Variants in COL6A6 observed in about 807,000 individuals in gnomAD.
COL6A6 encodes collagen type VI alpha 6 chain.
COL6A6 carries 183 observed loss-of-function variants against 208.6 expected under a neutral mutation model. The ratio of observed to expected loss-of-function variants is 0.88; its 90% CI spans 0.78 to 0.99. COL6A6 has a LOEUF of 0.99. Among genes scored for constraint, COL6A6 ranks in the 50% least tolerant of loss-of-function variants. The pLI is 0.00. For missense variants in COL6A6, 2,816 were observed against 2,815.2 expected (o/e 1.00, Z -0.01); for synonymous variants, 973 against 1,011.8 (o/e 0.96, Z 0.73).
chr3:130,560,462 A>G, intron 2 of COL6A6, 34 bp downstream of exon 2: 1 of 1,543,094 alleles, frequency 6.5e-7, no homozygotes, highest in South Asian at 1.1e-5. Context: ...CTTAATTTTG[A>G]TTATAGAAAA....
At chr3:130,552,315 G>A (rs934097020) in intron 1 of COL6A6, among the ~76,000 whole-genome samples, 1 of 152,178 alleles carries the variant, frequency 6.6e-6, no homozygotes, top group South Asian at 2.1e-4. Flanking sequence ...GAATCTGGGC[G>A]CTGCTGTTTT....
At chr3:130,638,252 A>G (rs2065212600) in intron 28 of COL6A6, among the ~76,000 whole-genome samples, 1 of 152,082 alleles carries the variant, frequency 6.6e-6, no homozygotes, top group Non-Finnish European at 1.5e-5. Context: ...TCTAAATATC[A>G]TACTTACCTT....
At chr3:130,655,142 T>C (rs1329256524) in intron 33 of COL6A6, among the ~76,000 whole-genome samples, 5 of 152,292 alleles carry the variant, frequency 3.3e-5, no homozygotes, top group African/African-American at 9.6e-5. Context: ...ATGAGTAATA[T>C]AGCCCATTGT....
chr3:130,553,984 C>G (rs2107813388), intron 1 of COL6A6, among the ~76,000 whole-genome samples: 1 of 152,316 alleles, frequency 6.6e-6, no homozygotes, highest in Non-Finnish European at 1.5e-5. Flanking sequence ...CAGCTTAGCA[C>G]TGCTGGACTG....
rs145489073 is a variant in COL6A6 at position 130,596,678 on chromosome 3, C to T, written c.4534-1687C>T. Reference sequence around the variant, plus strand: ...GGCTGTTTGGAATTTCCCATCTTGACGAGCTGTTTGGAATTTCCCATACTG... The same window carrying T: ...GGCTGTTTGGAATTTCCCATCTTGATGAGCTGTTTGGAATTTCCCATACTG... On this transcript the variant is annotated intron_variant, in intron 18 of 36. Transcript: ENST00000358511. Among the ~76,000 whole-genome samples the T allele has an allele frequency of 3.8e-3, 584 of 152,198 alleles. 5 individuals are homozygous for T. The highest frequency in any genetic ancestry group is 0.013 in the African/African-American group (555 of 41,540).
At chr3:130,563,802 GA>G in intron 3 of COL6A6, 138 bp downstream of exon 3, 1 of 621,708 alleles carries the variant, frequency 1.6e-6, no homozygotes, top group South Asian at 2.2e-5. Flanking sequence ...CATCGTTTAA[GA>G]GAGTCCAGTG....
intron 29 of COL6A6, among the ~76,000 whole-genome samples, chr3:130,642,103 A>AG (rs776707856): frequency 9.2e-5 from 14 of 152,108 alleles, no homozygotes; most frequent in African/African-American, 1.9e-4. Context: ...TCAGGAGGTC[A>AG]GGGGGGGCTC....
chr3:130,594,909 C>G (rs544690462), intron 18 of COL6A6, among the ~76,000 whole-genome samples: 1 of 152,116 alleles, frequency 6.6e-6, no homozygotes, highest in Non-Finnish European at 1.5e-5. Context: ...ATGAGACTTA[C>G]TCACTACCAC....
At chr3:130,600,863 T>G (rs1404669925) in intron 20 of COL6A6, among the ~76,000 whole-genome samples, 2 of 151,874 alleles carry the variant, frequency 1.3e-5, no homozygotes, top group Non-Finnish European at 2.9e-5. Context: ...ATCCTGGAAC[T>G]TAAAATAAAA....
intron 1 of COL6A6, among the ~76,000 whole-genome samples, chr3:130,522,745 G>C (rs980205776): frequency 2.6e-5 from 4 of 152,096 alleles, no homozygotes; most frequent in Non-Finnish European, 5.9e-5. Flanking sequence ...AAGTAGCCTT[G>C]AGGATCTGTC....
At chr3:130,575,916 A>G (rs1379137998) in intron 8 of COL6A6, among the ~76,000 whole-genome samples, 1 of 151,892 alleles carries the variant, frequency 6.6e-6, no homozygotes, top group Non-Finnish European at 1.5e-5. Context: ...TTAGGAGGCT[A>G]AGTATGTCTC....
intron 35 of COL6A6, among the ~76,000 whole-genome samples, chr3:130,663,207 G>A (rs1329153760): frequency 6.6e-6 from 1 of 152,128 alleles, no homozygotes; most frequent in Admixed American, 6.5e-5. Flanking sequence ...GTAGGGTGAG[G>A]TCTAAGGAGC....
At chr3:130,654,973 G>A (rs889171156) in intron 33 of COL6A6, among the ~76,000 whole-genome samples, 1 of 152,170 alleles carries the variant, frequency 6.6e-6, no homozygotes, top group Non-Finnish European at 1.5e-5. Context: ...GGCCACAGGA[G>A]TGGTTGGTGG....
chr3:130,586,115 C>T (rs2063535529), intron 10 of COL6A6, among the ~76,000 whole-genome samples: 1 of 152,172 alleles, frequency 6.6e-6, no homozygotes, highest in Non-Finnish European at 1.5e-5. Context: ...CCACCATGCC[C>T]AGCTAATTTT....
intron 24 of COL6A6, among the ~76,000 whole-genome samples, chr3:130,625,677 G>A (rs2064863936): frequency 1.3e-5 from 2 of 152,110 alleles, no homozygotes; most frequent in Admixed American, 6.5e-5. Context: ...AGGAGCCTAC[G>A]GAGACATACC....
At chr3:130,586,688 C>CTTAAATTT (rs767972252) in intron 11 of COL6A6, 28 bp downstream of exon 11, 1 of 1,587,594 alleles carries the variant, frequency 6.3e-7, no homozygotes, top group East Asian at 2.2e-5. Context: ...GGCTGGTGAG[C>CTTAAATTT]TTAAATTTTC....
Position 130,581,993 on chromosome 3 carries a change from G to A in COL6A6, c.3895G>A (p.Val1299Ile), listed in dbSNP as rs768786332. ...CTTTTTTTGAATACTTTCTTAGGTG[G>A]TCCTTTTATTTTCAGATGGATTGGA... ...QNKSAARGKV[V>I]LLFSDGLDDD... Residue 1299 changes from valine (V) to isoleucine (I), a missense_variant, in exon 10 of 37, where the codon GTC (valine) becomes ATC (isoleucine). Transcript: ENST00000358511. 5.0e-6 allele frequency: 8 copies of A among 1,608,172 alleles called. No homozygotes were observed. Among genetic ancestry groups the A allele is most frequent in the Admixed American group, 3.4e-5 (2 of 58,886 alleles).
chr3:130,666,221 A>C (rs1034142208), intron 36 of COL6A6, among the ~76,000 whole-genome samples: 1 of 152,232 alleles, frequency 6.6e-6, no homozygotes, highest in African/African-American at 2.4e-5. Context: ...AGATTGGAAA[A>C]AAGCTAATAT....
chr3:130,619,531 T>G (rs941967149), intron 23 of COL6A6, among the ~76,000 whole-genome samples: 1 of 152,252 alleles, frequency 6.6e-6, no homozygotes, highest in South Asian at 2.1e-4. Context: ...TTAAACTTTA[T>G]TCTGAAAGAT....
Sources: gnomAD v4.1 joint callset for allele counts (sites outside exome capture counted in the v4.1 genomes callset) on GRCh38, gnomAD v4.1.1 for gene constraint, MANE v1.5 for transcripts, NCBI Gene and HGNC (gene_info 2026-07-23, HGNC 2026-07-21) for gene names.